STK4: variants seen among roughly 807,000 people sequenced by gnomAD.
The protein encoded by STK4 is serine/threonine kinase 4.
Under a neutral mutation model 64.9 loss-of-function variants are expected in STK4, and 30 were observed. The ratio of observed to expected loss-of-function variants is 0.46; its 90% CI spans 0.35 to 0.63. The LOEUF (loss-of-function observed/expected upper bound fraction) is 0.63. Among genes scored for constraint, STK4 ranks in the 20% least tolerant of loss-of-function variants. The probability of loss-of-function intolerance (pLI) is 0.01; values close to 1 mark genes in which losing one functional copy is unlikely to be tolerated. For missense variants in STK4, 466 were observed against 598.5 expected (o/e 0.78, Z 2.31); for synonymous variants, 177 against 199.0 (o/e 0.89, Z 0.93).
Position 45,038,223 on chromosome 20 carries a change from A to G in STK4, c.1305+13093A>G, listed in dbSNP as rs1187189686. 2.0e-5 allele frequency among the ~76,000 whole-genome samples: 3 copies of G among 152,172 alleles called. No homozygotes were observed. In the East Asian group the frequency reaches 5.8e-4, roughly 29 times the overall value. On this transcript the variant is annotated intron_variant, in intron 10 of 10. Transcript: ENST00000372806. ...TTTTATTTAATCCTTCACCTCCACT[A>G]TTCACCCACACTGCTTGATTGTTTT... is the stretch of plus-strand genomic sequence containing the variant.
chr20:45,060,027 T>C (rs1978853786), intron 10 of STK4, among the ~76,000 whole-genome samples: 1 of 152,234 alleles, frequency 6.6e-6, no homozygotes, highest in Non-Finnish European at 1.5e-5. Context: ...CTTTATTAAA[T>C]ATTTATTAAG....
chr20:45,032,847 C>G (rs1256418865), intron 10 of STK4, among the ~76,000 whole-genome samples: 1 of 152,174 alleles, frequency 6.6e-6, no homozygotes, highest in East Asian at 1.9e-4. Context: ...GAAATCGACA[C>G]ATGGCTTTCC....
chr20:44,992,714 T>C (rs953024691), intron 5 of STK4, among the ~76,000 whole-genome samples: 1 of 152,040 alleles, frequency 6.6e-6, no homozygotes, highest in African/African-American at 2.4e-5. Flanking sequence ...TTTTTGTTTT[T>C]GAGACAGTCT....
chr20:45,045,799 T>A (rs2068684581), intron 10 of STK4, among the ~76,000 whole-genome samples: 1 of 152,098 alleles, frequency 6.6e-6, no homozygotes, highest in Admixed American at 6.5e-5. Flanking sequence ...AGTGTCTTTT[T>A]TTTTTGTTTG....
chr20:44,978,909 G>A (rs1415303803), intron 3 of STK4, among the ~76,000 whole-genome samples: 1 of 148,232 alleles, frequency 6.7e-6, no homozygotes, highest in Non-Finnish European at 1.5e-5. Flanking sequence ...AGTGATTCTT[G>A]TGCCTCAGCC....
chr20:44,998,727 G>GATA (rs1370788068), intron 7 of STK4, among the ~76,000 whole-genome samples: 4 of 152,188 alleles, frequency 2.6e-5, no homozygotes, highest in African/African-American at 9.7e-5. Flanking sequence ...TAATGAAATA[G>GATA]ATACCTGTGC....
At chr20:44,967,340 T>C (rs2067168365) in intron 1 of STK4, 1 of 639,914 alleles carries the variant, frequency 1.6e-6, no homozygotes, top group Admixed American at 6.3e-5. Context: ...GGGAAGTGTT[T>C]CCTTCTTTAC....
chr20:44,980,006 C>G (rs1001695648), intron 3 of STK4, among the ~76,000 whole-genome samples: 8 of 152,068 alleles, frequency 5.3e-5, no homozygotes, highest in African/African-American at 1.9e-4. Context: ...TATTTTCAAG[C>G]GTCTACTCTG....
chr20:45,042,601 C>T (rs948831417), intron 10 of STK4, among the ~76,000 whole-genome samples: 2 of 152,196 alleles, frequency 1.3e-5, no homozygotes, highest in Non-Finnish European at 2.9e-5. Context: ...TTTGATAACA[C>T]ACCTACTCCA....
Position 44,995,095 on chromosome 20 carries a change from C to G in STK4, c.531C>G (p.Thr177=). The G allele has an allele frequency of 6.3e-7, 1 of 1,597,816 alleles. No individual in the cohort carries two copies. Among genetic ancestry groups the G allele is most frequent in the South Asian group, 1.1e-5 (1 of 88,356 alleles). ...TCTCTCCCTTTCTATTTTAGGATAC[C>G]ATGGCCAAGCGGAATACAGTGATAG... ...DFGVAGQLTD[T]MAKRNTVIGT... is the part of the protein sequence containing the mutation. Residue 177 remains threonine (T), a synonymous_variant, in exon 6 of 11, where the codon ACC becomes ACG. Transcript: ENST00000372806.
intron 10 of STK4, among the ~76,000 whole-genome samples, chr20:45,029,239 T>C (rs1268719698): frequency 5.9e-5 from 9 of 152,200 alleles, no homozygotes; most frequent in Non-Finnish European, 1.5e-5. Context: ...TCTTTAGGTA[T>C]GACCTCTCTA....
intron 1 of STK4, chr20:44,967,308 G>C (rs1196241374): frequency 1.2e-6 from 1 of 866,724 alleles, no homozygotes; most frequent in East Asian, 1.2e-4. Context: ...TCGAGATGGG[G>C]AGACTGAGGT....
chr20:45,068,048 T>C (rs1979733549), intron 10 of STK4, among the ~76,000 whole-genome samples: 1 of 152,232 alleles, frequency 6.6e-6, no homozygotes, highest in South Asian at 2.1e-4. Flanking sequence ...ACCCACTTTC[T>C]TTCTGGTGGA....
In STK4 at chr20:44,992,103, A is replaced by T. The variant is rs907567055; in HGVS notation, c.526-2987A>T. ...CTTTTAATTTTGATTATGGCTTTTTAAAAAAATACTACATAAGTTTCCAAA... is the reference window on the plus strand; with the variant it reads ...CTTTTAATTTTGATTATGGCTTTTTTAAAAAATACTACATAAGTTTCCAAA... On this transcript the variant is annotated intron_variant, in intron 5 of 10. Coordinates refer to ENST00000372806, the MANE Select transcript of STK4 (RefSeq NM_006282.5). Among the ~76,000 whole-genome samples, 4 of 151,644 alleles carry T rather than the reference A, an allele frequency of 2.6e-5. No homozygotes were observed. In the East Asian group the frequency reaches 5.8e-4, roughly 22 times the overall value.
intron 1 of STK4, among the ~76,000 whole-genome samples, chr20:44,969,330 G>A (rs1015812588): frequency 1.3e-5 from 2 of 152,196 alleles, no homozygotes; most frequent in African/African-American, 4.8e-5. Context: ...TGAACTTTAT[G>A]GGAGTTCTGA....
intron 8 of STK4, among the ~76,000 whole-genome samples, chr20:45,000,949 G>T (rs1371195177): frequency 1.3e-5 from 2 of 152,142 alleles, no homozygotes; most frequent in Non-Finnish European, 2.9e-5. Flanking sequence ...GAAGAGTAGA[G>T]GAAGAATTCC....
At chr20:44,967,565 G>A (rs1402469428) in intron 1 of STK4, among the ~76,000 whole-genome samples, 1 of 152,180 alleles carries the variant, frequency 6.6e-6, no homozygotes, top group Non-Finnish European at 1.5e-5. Context: ...ACTAGAGACC[G>A]AAGGAGTCAT....
At chr20:45,061,025 G>A (rs1309643951) in intron 10 of STK4, among the ~76,000 whole-genome samples, 1 of 152,150 alleles carries the variant, frequency 6.6e-6, no homozygotes, top group Non-Finnish European at 1.5e-5. Context: ...GAAAGTTTCT[G>A]ATGGGTTCTT....
intron 2 of STK4, 84 bp from the exon 3 acceptor site, chr20:44,978,359 A>C: frequency 6.7e-7 from 1 of 1,500,140 alleles, no homozygotes; most frequent in South Asian, 1.3e-5. Flanking sequence ...ATATGTTAGA[A>C]CTATCAGTTG....
Sources: gnomAD v4.1 joint callset for allele counts (sites outside exome capture counted in the v4.1 genomes callset) on GRCh38, gnomAD v4.1.1 for gene constraint, MANE v1.5 for transcripts, NCBI Gene and HGNC (gene_info 2026-07-23, HGNC 2026-07-21) for gene names.